Variants in NELL1 observed in about 807,000 individuals in gnomAD.
NELL1 encodes the protein protein kinase C-binding protein NELL1.
Under a neutral mutation model 107.4 loss-of-function variants are expected in NELL1, and 76 were observed. The observed-to-expected ratio is 0.71, with a 90% confidence interval of 0.59 to 0.86. The LOEUF (loss-of-function observed/expected upper bound fraction) is 0.86. NELL1 is among the 40% of genes least tolerant of loss of function. The pLI is 0.00. For missense variants in NELL1, 1,024 were observed against 1,005.5 expected, an observed-to-expected ratio of 1.02 and a Z score of -0.25; for synonymous variants, 353 against 341.2, an observed-to-expected ratio of 1.03 and a Z score of -0.38.
At chr11:21,287,273 C>T (rs550688851) in intron 14 of NELL1, among the ~76,000 whole-genome samples, 11 of 152,052 alleles carry the variant, frequency 7.2e-5, no homozygotes, top group African/African-American at 2.7e-4. Flanking sequence ...CTTTTCTTAT[C>T]ATTGGTAACT....
rs34426520 is a variant in NELL1 at position 20,782,040 on chromosome 11, C to CA, written c.185-1627dup. Among the ~76,000 whole-genome samples the CA allele has an allele frequency of 2.2e-3, 304 of 135,364 alleles. 1 individual carries two copies. Among genetic ancestry groups the CA allele is most frequent in the East Asian group, 0.014 (64 of 4,520 alleles). The allele number at this position is 135,364 out of a possible 152,430, so 88.8% of individuals were successfully genotyped here. A position where few individuals can be genotyped will look rare whatever the true frequency, so the allele number is the denominator to read the frequency against. ...TGGTGACAGAGTGAGACCCTCATCT[C>CA]AAAAAAAAAAAAATAATAATGATAA... On this transcript the variant is annotated intron_variant, in intron 2 of 19. Transcript: ENST00000357134.
intron 3 of NELL1, among the ~76,000 whole-genome samples, chr11:20,809,217 A>G (rs1018850166): frequency 1.4e-4 from 21 of 152,154 alleles, no homozygotes; most frequent in African/African-American, 5.1e-4. Context: ...ATCAACAAAT[A>G]TTTTTAAAAT....
chr11:20,675,005 G>T (rs566854947), intron 1 of NELL1, among the ~76,000 whole-genome samples: 2 of 152,266 alleles, frequency 1.3e-5, no homozygotes, highest in African/African-American at 4.8e-5. Flanking sequence ...GTTTGGGGTT[G>T]GCTTATCTAG....
intron 15 of NELL1, 54 bp downstream of exon 15, chr11:21,371,002 T>C: frequency 3.1e-6 from 4 of 1,305,482 alleles, no homozygotes; most frequent in East Asian, 4.8e-5. Context: ...GAAAGATTGA[T>C]TCAGAAAGAA....
At chr11:21,310,754 G>C (rs1378953400) in intron 14 of NELL1, among the ~76,000 whole-genome samples, 1 of 151,996 alleles carries the variant, frequency 6.6e-6, no homozygotes, top group Non-Finnish European at 1.5e-5. Context: ...AATGGAATCA[G>C]CTTGTTGATG....
intron 18 of NELL1, among the ~76,000 whole-genome samples, chr11:21,572,187 G>A (rs1225362064): frequency 6.6e-6 from 1 of 151,762 alleles, no homozygotes; most frequent in Non-Finnish European, 1.5e-5. Context: ...TAATCATCAG[G>A]CATCCAGAAG....
chr11:21,275,153 G>T (rs1453606887), intron 14 of NELL1, among the ~76,000 whole-genome samples: 1 of 152,020 alleles, frequency 6.6e-6, no homozygotes, highest in Non-Finnish European at 1.5e-5. Flanking sequence ...TAGACTGCTA[G>T]CAGACTAATA....
At chr11:20,890,464 T>A (rs1849595626) in intron 5 of NELL1, among the ~76,000 whole-genome samples, 1 of 152,092 alleles carries the variant, frequency 6.6e-6, no homozygotes, top group African/African-American at 2.4e-5. Flanking sequence ...CTCCAAATGA[T>A]TTCAATGTCT....
chr11:20,703,489 G>A (rs768237364), intron 2 of NELL1, among the ~76,000 whole-genome samples: 1 of 151,948 alleles, frequency 6.6e-6, no homozygotes, highest in Non-Finnish European at 1.5e-5. Flanking sequence ...GTTTTCTTTT[G>A]TGTCTCTATC....
At chr11:21,375,380 G>A (rs556641031) in intron 15 of NELL1, among the ~76,000 whole-genome samples, 1 of 152,036 alleles carries the variant, frequency 6.6e-6, no homozygotes, top group Non-Finnish European at 1.5e-5. Flanking sequence ...CAAAGGACAT[G>A]ATTTCATTCT....
At chr11:21,530,409 T>C (rs1404516876) in intron 15 of NELL1, among the ~76,000 whole-genome samples, 4 of 152,134 alleles carry the variant, frequency 2.6e-5, no homozygotes, top group African/African-American at 7.2e-5. Flanking sequence ...CAAGGATTTG[T>C]TTGCAAATTG....
intron 3 of NELL1, among the ~76,000 whole-genome samples, chr11:20,818,576 A>G (rs1349263107): frequency 6.6e-6 from 1 of 152,154 alleles, no homozygotes; most frequent in Non-Finnish European, 1.5e-5. Context: ...TGAACTGGTG[A>G]GTTATCTTTA....
intron 12 of NELL1, among the ~76,000 whole-genome samples, chr11:21,004,809 C>T (rs1160480236): frequency 6.6e-6 from 1 of 152,068 alleles, no homozygotes; most frequent in Non-Finnish European, 1.5e-5. Flanking sequence ...GGAACATTGG[C>T]TGCAATTTGT....
intron 7 of NELL1, among the ~76,000 whole-genome samples, chr11:20,922,200 A>G (rs932199405): frequency 6.6e-6 from 1 of 152,056 alleles, no homozygotes; most frequent in Non-Finnish European, 1.5e-5. Context: ...ACCCTGTGCA[A>G]CCATCAGGGT....
chr11:20,998,790 T>C (rs1852150339), intron 12 of NELL1, among the ~76,000 whole-genome samples: 1 of 152,188 alleles, frequency 6.6e-6, no homozygotes, highest in African/African-American at 2.4e-5. Context: ...GAAGATGAGA[T>C]TGGATTAAAT....
At chr11:20,854,517 C>T (rs1590351129) in intron 4 of NELL1, among the ~76,000 whole-genome samples, 1 of 152,312 alleles carries the variant, frequency 6.6e-6, no homozygotes, top group Admixed American at 6.5e-5. Flanking sequence ...GTTGGCAGTG[C>T]AACATGCTGC....
chr11:21,286,324 G>A (rs1849113405), intron 14 of NELL1, among the ~76,000 whole-genome samples: 1 of 152,182 alleles, frequency 6.6e-6, no homozygotes, highest in Non-Finnish European at 1.5e-5. Flanking sequence ...TGTATAAAAT[G>A]ACCCTGATAG....
chr11:21,500,448 G>A lies in NELL1; in HGVS notation c.1646-33926G>A, dbSNP rs79730136. Among the ~76,000 whole-genome samples, 2,581 of 152,054 alleles carry A rather than the reference G, an allele frequency of 0.017. 191 individuals carry two copies. In the East Asian group the frequency reaches 0.26, roughly 15 times the overall value. On this transcript the variant is annotated intron_variant, in intron 15 of 19. Coordinates refer to ENST00000357134, the MANE Select transcript of NELL1 (RefSeq NM_006157.5). ...TGTACCTCCAGGTTGTTAGCTCTCC[G>A]TGCAAGATGTGAGCTTGTATTTAGA...
Position 21,423,403 on chromosome 11 carries a change from T to G in NELL1, c.1645+52455T>G, listed in dbSNP as rs561942881. ...AAAAGGTAAAGAAAGATATTATATG[T>G]TAATAAAAGTTTCAATATAACATGA... On this transcript the variant is annotated intron_variant, in intron 15 of 19. Transcript: ENST00000357134. 3.9e-5 allele frequency among the ~76,000 whole-genome samples: 6 copies of G among 152,000 alleles called. No homozygotes were observed. The East Asian group carries it at 9.7e-4, about 24-fold the overall frequency.
Sources: allele counts gnomAD v4.1 joint callset (sites outside exome capture counted in the v4.1 genomes callset), GRCh38; gene constraint gnomAD v4.1.1; transcripts MANE v1.5; gene names NCBI Gene and HGNC (gene_info 2026-07-23, HGNC 2026-07-21).